Variants in CACNA1G observed in about 807,000 individuals in gnomAD.
The protein encoded by CACNA1G is voltage-dependent T-type calcium channel subunit alpha-1G.
Under a neutral mutation model 219.4 loss-of-function variants are expected in CACNA1G, and 67 were observed. The ratio of observed to expected loss-of-function variants is 0.31; its 90% confidence interval spans 0.25 to 0.37. The LOEUF is 0.37. Among genes scored for constraint, CACNA1G ranks in the 10% least tolerant of loss-of-function variants. The probability of loss-of-function intolerance (pLI) is 1.00; values close to 1 mark genes in which losing one functional copy is unlikely to be tolerated. For missense variants in CACNA1G, 2,380 were observed against 3,231.4 expected (o/e 0.74, Z 6.39); for synonymous variants, 1,296 against 1,345.3 (o/e 0.96, Z 0.80).
intron 9 of CACNA1G, among the ~76,000 whole-genome samples, chr17:50,580,221 C>G (rs1256433510): frequency 2.0e-5 from 3 of 152,172 alleles, no homozygotes; most frequent in Non-Finnish European, 4.4e-5. Context: ...CCAACTCTGC[C>G]AGCCTCCCAG....
chr17:50,619,857 C>A, intron 34 of CACNA1G, 31 bp downstream of exon 34: 1 of 1,579,058 alleles, frequency 6.3e-7, no homozygotes. Flanking sequence ...TGCCCTCTCC[C>A]CTGACCGTGC....
In CACNA1G at chr17:50,616,365, C is replaced by T. The variant is rs1369128414; in HGVS notation, c.5002C>T (p.Arg1668Cys). Residue 1668 changes from arginine to cysteine, a missense_variant, in exon 28 of 38, where the codon CGT (arginine) becomes TGT (cysteine). Arg to Cys is a radical substitution (Grantham distance 180, BLOSUM62 -3). Transcript: ENST00000359106. The stretch of plus-strand genomic sequence containing the variant: ...TTTCAAACTTGTGGCCTTTGGTTTC[C>T]GTCGGTTCTTCCAGGACAGGTAACG... ...SVFKLVAFGF[R>C]RFFQDRWNQL... 21 of 1,611,616 alleles carry T rather than the reference C, an allele frequency of 1.3e-5. No individual in the cohort carries two copies. The highest frequency in any genetic ancestry group is 2.2e-5 in the South Asian group (2 of 90,982).
intron 23 of CACNA1G, 196 bp downstream of exon 23, chr17:50,606,219 G>T: frequency 1.2e-6 from 1 of 802,318 alleles, no homozygotes; most frequent in Non-Finnish European, 2.2e-6. Flanking sequence ...TGGGCCCATG[G>T]GGTCTCTAGC....
intron 22 of CACNA1G, among the ~76,000 whole-genome samples, chr17:50,604,828 G>A (rs2047599075): frequency 6.6e-6 from 1 of 152,212 alleles, no homozygotes. Flanking sequence ...CGCCTCAGGG[G>A]GCCGGGGAGC....
At chr17:50,593,410 C>G (rs2044776884) in intron 13 of CACNA1G, among the ~76,000 whole-genome samples, 1 of 152,252 alleles carries the variant, frequency 6.6e-6, no homozygotes. Context: ...CACCGCGGGC[C>G]TATTCCCCTC....
At chr17:50,620,096 T>C (rs2051449619) in intron 34 of CACNA1G, among the ~76,000 whole-genome samples, 1 of 150,890 alleles carries the variant, frequency 6.6e-6, no homozygotes, top group Admixed American at 6.6e-5. Flanking sequence ...GAGAGGGGAT[T>C]TGTAAGAATC....
rs533316613 is a variant in CACNA1G at position 50,596,065 on chromosome 17, G to T, written c.2980-497G>T. Among the ~76,000 whole-genome samples the T allele has an allele frequency of 3.9e-5, 6 of 152,308 alleles. No homozygotes were observed. On this transcript the variant is annotated intron_variant, in intron 14 of 37. Transcript: ENST00000359106. This position sits in a 1 kb window ranked among gnomAD's most constrained non-coding sequence, Gnocchi z 4.8. ...GGGAAGACACCGAGGGACTGAAGTG[G>T]CGTCCTCGGGCTGAGCTGTTCTGTC...
intron 16 of CACNA1G, 114 bp downstream of exon 16, chr17:50,597,037 TGGGGCC>T: frequency 9.8e-7 from 1 of 1,016,754 alleles, no homozygotes; most frequent in Non-Finnish European, 1.4e-6. Flanking sequence ...ATGGGCTGGA[TGGGGCC>T]TGGGTGTGCC....
chr17:50,618,562 C>A lies in CACNA1G; in HGVS notation c.5428-93C>A. On this transcript the variant is annotated intron_variant, in intron 32 of 37. Coordinates refer to ENST00000359106, the MANE Select transcript of CACNA1G (RefSeq NM_018896.5). The surrounding 1 kb of genome is among the most constrained non-coding windows in gnomAD (Gnocchi z 5.3). ...CCTCCTCCTCCCCTTCCTTCCCATC[C>A]TCCAATGCTCTGTGACACCAGTGAC... 9.1e-7 allele frequency: 1 copy of A among 1,101,064 alleles called. No individual in the cohort carries two copies. The highest frequency in any genetic ancestry group is 1.3e-6 in the Non-Finnish European group (1 of 748,924). The allele number at this position is 1,101,064 out of a possible 1,614,324, so 68.2% of individuals were successfully genotyped here.
chr17:50,620,967 G>A (rs2051741480), intron 34 of CACNA1G, among the ~76,000 whole-genome samples: 1 of 152,226 alleles, frequency 6.6e-6, no homozygotes, highest in Non-Finnish European at 1.5e-5. Context: ...CAACCCCCTG[G>A]GTCCCAGGTG....
At position 50,595,016 on chromosome 17, in the gene CACNA1G, G is replaced by A. The variant is rs986139185; in HGVS notation, c.2934G>A (p.Ala978=). Residue 978 remains alanine (A), a synonymous_variant, in exon 14 of 38, where the codon GCG becomes GCA. Transcript: ENST00000359106. ...QAEEISKRED[A]SGQLSCIQLP... is the part of the protein sequence containing the mutation. ...AGGAAATCAGCAAACGGGAAGATGC[G>A]AGTGGACAGTTAAGCTGTATTCAGC... 2 of 1,554,402 alleles carry A rather than the reference G, an allele frequency of 1.3e-6. No individual in the cohort carries two copies. The highest frequency in any genetic ancestry group is 1.7e-6 in the Non-Finnish European group (2 of 1,148,504).
Position 50,578,283 on chromosome 17 carries a change from G to A in CACNA1G, c.2020G>A (p.Gly674Arg), listed in dbSNP as rs201569320. 138 of 1,613,028 alleles carry A rather than the reference G, an allele frequency of 8.6e-5. No individual in the cohort carries two copies. In the East Asian group the frequency reaches 2.6e-3, roughly 30 times the overall value. The change falls in exon 9 of 38, where the codon GGG becomes AGG. Residue 674 changes from glycine to arginine, a missense_variant. Gly to Arg is a moderately radical substitution (Grantham distance 125). Coordinates refer to ENST00000359106, the MANE Select transcript of CACNA1G (RefSeq NM_018896.5). The surrounding 1 kb of genome is among the most constrained non-coding windows in gnomAD (Gnocchi z 4.5). ...PDSCPYCARAGAGEVELADRE... is the reference protein window; with the variant it reads ...PDSCPYCARARAGEVELADRE... ...CAGCTGCCCCTACTGTGCCCGGGCC[G>A]GGGCAGGGGAGGTGGAGCTCGCCGA...
At chr17:50,569,110 G>C in intron 2 of CACNA1G, 55 bp from the exon 3 acceptor site, 1 of 1,595,406 alleles carries the variant, frequency 6.3e-7, no homozygotes. Context: ...GGTGGGACTA[G>C]AGGGTATTCC....
intron 9 of CACNA1G, among the ~76,000 whole-genome samples, chr17:50,588,727 C>G (rs1287183262): frequency 6.6e-6 from 1 of 152,110 alleles, no homozygotes; most frequent in African/African-American, 2.4e-5. Flanking sequence ...GCCACTCCCC[C>G]TCTGCATAGC....
At chr17:50,588,439 G>A (rs1019468500) in intron 9 of CACNA1G, among the ~76,000 whole-genome samples, 1 of 152,262 alleles carries the variant, frequency 6.6e-6, no homozygotes, top group Non-Finnish European at 1.5e-5. Context: ...TGACAGGGAG[G>A]AGGGTTTGCC....
At chr17:50,594,202 AG>A (rs1278367202) in intron 13 of CACNA1G, among the ~76,000 whole-genome samples, 1 of 152,166 alleles carries the variant, frequency 6.6e-6, no homozygotes, top group Non-Finnish European at 1.5e-5. Context: ...CCTGACTTGC[AG>A]GGGGCAGCGC....
chr17:50,582,283 A>T (rs1312112379), intron 9 of CACNA1G, among the ~76,000 whole-genome samples: 1 of 152,202 alleles, frequency 6.6e-6, no homozygotes, highest in Admixed American at 6.5e-5. Flanking sequence ...TAGCCAGTGA[A>T]GGTGAAGGGC....
intron 35 of CACNA1G, among the ~76,000 whole-genome samples, chr17:50,622,558 A>G (rs895975920): frequency 6.6e-6 from 1 of 151,884 alleles, no homozygotes; most frequent in Non-Finnish European, 1.5e-5. Context: ...GGGAAGCAAA[A>G]TAAGATTGTC....
chr17:50,591,522 C>T lies in CACNA1G; in HGVS notation c.2541C>T (p.Phe847=), dbSNP rs1406201297. 2 of 1,611,476 alleles carry T rather than the reference C, an allele frequency of 1.2e-6. No individual in the cohort carries two copies. Among genetic ancestry groups the T allele is most frequent in the South Asian group, 2.2e-5 (2 of 90,508 alleles). ...RLMRVLKLVR[F]LPALQRQLVV... ...TGCGTGTGCTGAAGCTGGTGCGCTT[C>T]CTGCCGGCGCTGCAGCGGCAGCTGG... The change falls in exon 11 of 38, where the codon TTC becomes TTT. Residue 847 remains phenylalanine, a synonymous_variant. Coordinates refer to ENST00000359106, the MANE Select transcript of CACNA1G (RefSeq NM_018896.5).
Sources: allele counts gnomAD v4.1 joint callset (sites outside exome capture counted in the v4.1 genomes callset), GRCh38; gene constraint gnomAD v4.1.1; non-coding constraint Gnocchi (gnomAD v3.1); transcripts MANE v1.5; gene names NCBI Gene and HGNC (gene_info 2026-07-23, HGNC 2026-07-21).